The following MID1 variants were observed in gnomAD, a reference collection of about 807,000 sequenced individuals.
MID1 encodes E3 ubiquitin-protein ligase Midline-1.
Under a neutral mutation model 40.4 loss-of-function variants are expected in MID1, and 7 were observed. That is an observed-to-expected ratio of 0.17 (90% CI 0.10 to 0.33). MID1 has a LOEUF of 0.33. Ranked by LOEUF, MID1 falls within the 10% of genes least tolerant of loss-of-function variation. The probability of loss-of-function intolerance (pLI) is 1.00; values close to 1 mark genes in which losing one functional copy is unlikely to be tolerated. For missense variants in MID1, 367 were observed against 558.5 expected (o/e 0.66, Z 3.46); for synonymous variants, 229 against 221.2 (o/e 1.04, Z -0.31).
chrX:10,519,625 T>G (rs1170836358), intron 3 of MID1, among the ~76,000 whole-genome samples: 1 of 112,053 alleles, frequency 8.9e-6, no homozygotes, highest in African/African-American at 3.2e-5. Context: ...AATCCTAATC[T>G]GCTCTCTCAC....
At position 10,603,181 on chromosome X, in the gene MID1, C is replaced by T. The variant is rs147051990; in HGVS notation, c.-57+17109G>A. Among the ~76,000 whole-genome samples the T allele has an allele frequency of 1.2e-4, 14 of 112,138 alleles. No individual in the cohort carries two copies. The East Asian group carries it at 3.9e-3, about 31-fold the overall frequency. On this transcript the variant is annotated intron_variant, in intron 1 of 9. Coordinates refer to ENST00000317552, the MANE Select transcript of MID1 (RefSeq NM_000381.4). ...TTTGTCTTTTCTTCCATCTTAGAAC[C>T]GCTTTTCTCTTTGATTAATATCCTA...
At chrX:10,453,332 G>A (rs1305408065) in intron 9 of MID1, among the ~76,000 whole-genome samples, 2 of 111,468 alleles carry the variant, frequency 1.8e-5, no homozygotes, top group South Asian at 3.7e-4. Flanking sequence ...TGAATTGAAA[G>A]GTTTTTTTAT....
chrX:10,644,958 G>C (rs1249884419), intron 1 of MID1, among the ~76,000 whole-genome samples: 1 of 111,990 alleles, frequency 8.9e-6, no homozygotes, highest in Non-Finnish European at 1.9e-5. Context: ...TGCCGTGATT[G>C]AAGTCAGACA....
At chrX:10,577,266 C>T (rs757552368) in intron 1 of MID1, among the ~76,000 whole-genome samples, 2 of 112,042 alleles carry the variant, frequency 1.8e-5, no homozygotes, top group African/African-American at 3.2e-5. Context: ...CAATAGGAGC[C>T]GTCCTGCCCA....
At chrX:10,548,695 TACAA>T (rs771464965) in intron 2 of MID1, among the ~76,000 whole-genome samples, 74 of 111,932 alleles carry the variant, frequency 6.6e-4, no homozygotes, top group Non-Finnish European at 1.1e-3. Context: ...AGAAAGGCTA[TACAA>T]ACAGTGAAAA....
chrX:10,710,733 A>C (rs922176951), intron 1 of MID1, among the ~76,000 whole-genome samples: 3 of 111,526 alleles, frequency 2.7e-5, no homozygotes, highest in African/African-American at 9.8e-5. Context: ...CAAAGTCTTC[A>C]ATCACATTAG....
chrX:10,653,071 G>A (rs1936333697), intron 1 of MID1, among the ~76,000 whole-genome samples: 1 of 111,509 alleles, frequency 9.0e-6, no homozygotes, highest in South Asian at 3.8e-4. Flanking sequence ...TGACTTTTGT[G>A]GCCTCAGCAT....
intron 1 of MID1, among the ~76,000 whole-genome samples, chrX:10,819,000 T>C (rs2044156860): frequency 8.9e-6 from 1 of 112,147 alleles, no homozygotes; most frequent in Non-Finnish European, 1.9e-5. Context: ...ATGGTGGCCA[T>C]GGCAAATTGA....
At chrX:10,668,315 C>T (rs1404289044) in intron 1 of MID1, among the ~76,000 whole-genome samples, 2 of 111,775 alleles carry the variant, frequency 1.8e-5, no homozygotes, top group Non-Finnish European at 3.8e-5. Context: ...CTTTACAGCC[C>T]TTTTGCCCAC....
chrX:10,752,331 C>T (rs1382997198), intron 1 of MID1, among the ~76,000 whole-genome samples: 2 of 111,556 alleles, frequency 1.8e-5, no homozygotes, highest in African/African-American at 6.5e-5. Flanking sequence ...AAGTATAGTG[C>T]AGGGGGCAAG....
In MID1 at chrX:10,459,690, T is replaced by C. The variant is rs967412425; in HGVS notation, c.1403A>G (p.Gln468Arg). 2.5e-6 allele frequency: 3 copies of C among 1,210,275 alleles called. No individual in the cohort carries two copies. The highest frequency in any genetic ancestry group is 2.2e-6 in the Non-Finnish European group (2 of 895,347). The stretch of plus-strand genomic sequence containing the variant: ...AGGCTCACTGCTGCGGCTGCCCGCC[T>C]GGTTGATGGCCTTGACCATGAAGAT... Reference protein sequence around the residue: ...KYIFMVKAINQAGSRSSEPGK... With the variant: ...KYIFMVKAINRAGSRSSEPGK... Residue 468 changes from glutamine to arginine, a missense_variant, in exon 8 of 10, where the codon CAG becomes CGG. Physicochemically the swap from Gln to Arg is conservative, Grantham distance 43. This residue lies in a region of MID1 where 275 missense variants were observed against 383.1 expected (regional missense o/e 0.72). Transcript: ENST00000317552.
chrX:10,597,679 CA>C (rs767464747), intron 1 of MID1, among the ~76,000 whole-genome samples: 3 of 112,029 alleles, frequency 2.7e-5, no homozygotes, highest in Admixed American at 9.5e-5. Context: ...CTCCTTGTGA[CA>C]GGGGGTTGAA....
intron 1 of MID1, among the ~76,000 whole-genome samples, chrX:10,667,054 A>T (rs1366012188): frequency 9.0e-6 from 1 of 111,495 alleles, no homozygotes; most frequent in Non-Finnish European, 1.9e-5. Context: ...GGGGTGGGAC[A>T]GGGAAGTGGG....
chrX:10,588,160 AAT>A (rs1371579483), intron 1 of MID1, among the ~76,000 whole-genome samples: 56 of 112,579 alleles, frequency 5.0e-4, no homozygotes, highest in African/African-American at 1.8e-3. Context: ...TCAAAACAAT[AAT>A]TTTTTTAACC....
chrX:10,601,051 C>T (rs992558245), intron 1 of MID1, among the ~76,000 whole-genome samples: 1 of 112,103 alleles, frequency 8.9e-6, no homozygotes, highest in Non-Finnish European at 1.9e-5. Flanking sequence ...CATTATTATA[C>T]TCTGAATACT....
intron 2 of MID1, among the ~76,000 whole-genome samples, chrX:10,533,597 T>C (rs1407501329): frequency 1.8e-5 from 2 of 111,582 alleles, no homozygotes; most frequent in African/African-American, 3.3e-5. Flanking sequence ...ACACCTACTA[T>C]GGGAGTGTAG....
chrX:10,707,582 G>A (rs920478249), intron 1 of MID1, among the ~76,000 whole-genome samples: 3 of 112,091 alleles, frequency 2.7e-5, no homozygotes, highest in Non-Finnish European at 5.6e-5. Context: ...TATTCTGTGA[G>A]GACTAATGAA....
At chrX:10,762,463 TTTG>T (rs971848711) in intron 1 of MID1, among the ~76,000 whole-genome samples, 5 of 109,883 alleles carry the variant, frequency 4.6e-5, no homozygotes, top group African/African-American at 1.7e-4. Flanking sequence ...AAACACAAAG[TTTG>T]TTGTTGTTGT....
chrX:10,811,091 T>C (rs2044096589), intron 1 of MID1, among the ~76,000 whole-genome samples: 1 of 111,292 alleles, frequency 9.0e-6, no homozygotes, highest in South Asian at 3.8e-4. Context: ...GTTAAAGAGA[T>C]TTCTGAGGTC....
Sources: gnomAD v4.1 joint callset for allele counts (sites outside exome capture counted in the v4.1 genomes callset) on GRCh38, gnomAD v4.1.1 for gene constraint, gnomAD v4.1.1 regional missense constraint, MANE v1.5 for transcripts, NCBI Gene and HGNC (gene_info 2026-07-23, HGNC 2026-07-21) for gene names.